Variants in SSBP2 observed in about 807,000 individuals in gnomAD.
The protein encoded by SSBP2 is single-stranded DNA-binding protein 2.
SSBP2 carries 17 observed loss-of-function variants against 61.8 expected under a neutral mutation model. The observed-to-expected ratio is 0.28, with a 90% CI of 0.19 to 0.41. The LOEUF is 0.41. Among genes scored for constraint, SSBP2 ranks in the 10% least tolerant of loss-of-function variants. SSBP2 has a pLI of 1.00. For missense variants in SSBP2, 310 were observed against 458.7 expected, an observed-to-expected ratio of 0.68 and a Z score of 2.96; for synonymous variants, 139 against 141.3, an observed-to-expected ratio of 0.98 and a Z score of 0.12.
chr5:81,525,722 T>C (rs1769878080), intron 4 of SSBP2, among the ~76,000 whole-genome samples: 1 of 152,026 alleles, frequency 6.6e-6, no homozygotes, highest in South Asian at 2.1e-4. Flanking sequence ...GGTGACTACT[T>C]GCATGTACCT....
chr5:81,511,913 G>A (rs746206922), intron 5 of SSBP2, among the ~76,000 whole-genome samples: 4 of 151,938 alleles, frequency 2.6e-5, no homozygotes, highest in Non-Finnish European at 5.9e-5. Flanking sequence ...TACTCTTACC[G>A]AGACTTTGAG....
chr5:81,546,094 C>T (rs977270591), intron 4 of SSBP2, among the ~76,000 whole-genome samples: 1 of 152,104 alleles, frequency 6.6e-6, no homozygotes, highest in East Asian at 1.9e-4. Flanking sequence ...CAATGGCTAT[C>T]ATTTATTAAT....
chr5:81,694,475 T>C lies in SSBP2; in HGVS notation c.63-44136A>G, dbSNP rs7703771. ...CCACAAAAATTAACAATTAGAAATA[T>C]TGACTAAGTAAATTTGGGGACTGAC... is the stretch of plus-strand genomic sequence containing the variant. On this transcript the variant is annotated intron_variant, in intron 1 of 16. Coordinates refer to ENST00000320672, the MANE Select transcript of SSBP2 (RefSeq NM_012446.5). Among the ~76,000 whole-genome samples the C allele has an allele frequency of 9.3e-3, 1,417 of 152,302 alleles. 28 individuals carry two copies. Among genetic ancestry groups the C allele is most frequent in the African/African-American group, 0.032 (1,342 of 41,560 alleles).
At chr5:81,665,234 C>A (rs1751012826) in intron 1 of SSBP2, among the ~76,000 whole-genome samples, 1 of 152,064 alleles carries the variant, frequency 6.6e-6, no homozygotes, top group African/African-American at 2.4e-5. Flanking sequence ...TCTCTGATTT[C>A]TTTGAGCAGT....
intron 1 of SSBP2, among the ~76,000 whole-genome samples, chr5:81,670,209 A>G (rs990294563): frequency 6.6e-6 from 1 of 152,178 alleles, no homozygotes; most frequent in Non-Finnish European, 1.5e-5. Context: ...ATTATAACCA[A>G]AAGTATCATT....
At chr5:81,453,961 T>A (rs141476482) in intron 10 of SSBP2, among the ~76,000 whole-genome samples, 1 of 152,328 alleles carries the variant, frequency 6.6e-6, no homozygotes, top group East Asian at 1.9e-4. Context: ...CTGAGTTTGG[T>A]TGGTAAGTAG....
intron 1 of SSBP2, among the ~76,000 whole-genome samples, chr5:81,735,675 G>A (rs1489594180): frequency 6.6e-6 from 1 of 152,032 alleles, no homozygotes; most frequent in Non-Finnish European, 1.5e-5. Flanking sequence ...AGAACCCACA[G>A]AGAGGACTGA....
rs76422649 is a variant in SSBP2 at position 81,696,676 on chromosome 5, TA to T, written c.63-46338del. Among the ~76,000 whole-genome samples, 170 of 152,172 alleles carry T rather than the reference TA, an allele frequency of 1.1e-3. 2 individuals carry two copies. The highest frequency in any genetic ancestry group is 4.8e-3 in the East Asian group (25 of 5,184). On this transcript the variant is annotated intron_variant, in intron 1 of 16. Transcript: ENST00000320672. ...TTCATAATATTTTCTCTGCCGGGAC[TA>T]TGTTCCCTGTACCAAACAAGCTAAT...
intron 4 of SSBP2, among the ~76,000 whole-genome samples, chr5:81,578,408 T>TA (rs1554090801): frequency 6.6e-6 from 1 of 151,938 alleles, no homozygotes; most frequent in Non-Finnish European, 1.5e-5. Context: ...ACTGACCTAT[T>TA]ACGTTAATTA....
chr5:81,556,979 GTC>G (rs1211620929), intron 4 of SSBP2, among the ~76,000 whole-genome samples: 1 of 152,098 alleles, frequency 6.6e-6, no homozygotes, highest in African/African-American at 2.4e-5. Context: ...TGATGACACA[GTC>G]TCTGGGTTTT....
At chr5:81,529,537 G>T (rs1223709849) in intron 4 of SSBP2, among the ~76,000 whole-genome samples, 1 of 152,090 alleles carries the variant, frequency 6.6e-6, no homozygotes, top group African/African-American at 2.4e-5. Context: ...TAAAGGCATA[G>T]ATAGGTCAGA....
chr5:81,501,773 A>C (rs908425421), intron 5 of SSBP2, among the ~76,000 whole-genome samples: 5 of 151,606 alleles, frequency 3.3e-5, no homozygotes, highest in African/African-American at 1.2e-4. Context: ...TCACCATGTT[A>C]GCCAGGATGG....
At position 81,538,797 on chromosome 5, in the gene SSBP2, G is replaced by A. The variant is rs1294458622; in HGVS notation, c.283-25080C>T. Among the ~76,000 whole-genome samples, 4 of 152,136 alleles carry A rather than the reference G, an allele frequency of 2.6e-5. No individual in the cohort carries two copies. The South Asian group carries it at 8.3e-4, about 31-fold the overall frequency. On this transcript the variant is annotated intron_variant, in intron 4 of 16. Transcript: ENST00000320672. ...GTGACAGCACATCTGTTCACAGAAT[G>A]GTTTACCGAATATTTGAAGCCCACT...
chr5:81,671,545 C>T lies in SSBP2; in HGVS notation c.63-21206G>A, dbSNP rs80110751. 5.1e-3 allele frequency among the ~76,000 whole-genome samples: 783 copies of T among 152,168 alleles called. 5 individuals carry two copies. The highest frequency in any genetic ancestry group is 0.018 in the African/African-American group (741 of 41,510). On this transcript the variant is annotated intron_variant, in intron 1 of 16. Transcript: ENST00000320672. ...TTAGTACCATAAGGATAATTCTAAA[C>T]ATCAAATGTTTGAAACAAAAACCAT...
chr5:81,456,257 T>C (rs752099097), intron 10 of SSBP2, among the ~76,000 whole-genome samples: 2 of 152,142 alleles, frequency 1.3e-5, no homozygotes, highest in African/African-American at 4.8e-5. Flanking sequence ...AGCGAATTAA[T>C]GAGTATAATG....
intron 1 of SSBP2, among the ~76,000 whole-genome samples, chr5:81,750,100 G>A (rs1257306075): frequency 6.6e-6 from 1 of 150,804 alleles, no homozygotes. Context: ...AGCCGCCGCC[G>A]CGGAGTTGGG....
At chr5:81,682,313 G>C (rs1488070307) in intron 1 of SSBP2, among the ~76,000 whole-genome samples, 1 of 152,100 alleles carries the variant, frequency 6.6e-6, no homozygotes, top group East Asian at 1.9e-4. Flanking sequence ...ATTCAACAAT[G>C]TATAGGAGGA....
At chr5:81,659,803 T>C (rs1750532582) in intron 1 of SSBP2, among the ~76,000 whole-genome samples, 1 of 151,940 alleles carries the variant, frequency 6.6e-6, no homozygotes, top group Non-Finnish European at 1.5e-5. Flanking sequence ...GGCTATAGTA[T>C]ACAAAACAGC....
At chr5:81,710,450 A>C (rs895229929) in intron 1 of SSBP2, among the ~76,000 whole-genome samples, 5 of 152,048 alleles carry the variant, frequency 3.3e-5, no homozygotes, top group Admixed American at 6.5e-5. Flanking sequence ...TGAATTTTTA[A>C]ATGTCATGAT....
Sources: gnomAD v4.1 joint callset for allele counts (sites outside exome capture counted in the v4.1 genomes callset) on GRCh38, gnomAD v4.1.1 for gene constraint, MANE v1.5 for transcripts, NCBI Gene and HGNC (gene_info 2026-07-23, HGNC 2026-07-21) for gene names.